Variants in MUC21 observed in about 807,000 individuals in gnomAD.
MUC21 encodes the protein mucin-21.
MUC21 carries 8 observed loss-of-function variants against 9.1 expected under a neutral mutation model. The ratio of observed to expected loss-of-function variants is 0.88; its 90% CI spans 0.52 to 1.59. The LOEUF (loss-of-function observed/expected upper bound fraction) is 1.59. Among genes scored for constraint, MUC21 ranks in the 40% most tolerant of loss-of-function variants. The pLI, the probability that MUC21 is intolerant of heterozygous loss-of-function variation, is 0.00. For missense variants in MUC21, 478 were observed against 694.2 expected (o/e 0.69, Z 3.50); for synonymous variants, 189 against 275.2 (o/e 0.69, Z 3.10).
At position 30,986,731 on chromosome 6, in the gene MUC21, A is replaced by G. The variant is rs745462878; in HGVS notation, c.556A>G (p.Ser186Gly). 5.1e-6 allele frequency: 8 copies of G among 1,578,338 alleles called. 1 individual carries two copies. The highest frequency in any genetic ancestry group is 3.4e-4 in the Middle Eastern group (2 of 5,934). Reference sequence around the variant, plus strand: ...CAGCACAGCCACCAACTCTGAGTCCAGCACAGTGTCCAGTAGGGCCAGCAC... The same window carrying G: ...CAGCACAGCCACCAACTCTGAGTCCGGCACAGTGTCCAGTAGGGCCAGCAC... Reference protein sequence around the residue: ...GASTATNSESSTVSSRASTAT... With the variant: ...GASTATNSESGTVSSRASTAT... Residue 186 changes from serine to glycine, a missense_variant, in exon 2 of 3, where the codon AGC becomes GGC. Ser to Gly is a moderately conservative substitution (Grantham distance 56). This residue lies in a region of MUC21 where 53 missense variants were observed against 139.1 expected (regional missense o/e 0.38). Transcript: ENST00000376296.
chr6:30,988,453 T>C lies in MUC21; in HGVS notation c.*259T>C. On this transcript the variant is annotated 3_prime_UTR_variant, in exon 3 of 3. Coordinates refer to ENST00000376296, the MANE Select transcript of MUC21 (RefSeq NM_001010909.5). ...GAAGCTGTGCGTGCCCCGGGGTGGG[T>C]ATCTAGCTCTGAGATGAACTCAGTT... 2.3e-6 allele frequency: 1 copy of C among 443,140 alleles called. No homozygotes were observed. Among genetic ancestry groups the C allele is most frequent in the Non-Finnish European group, 3.9e-6 (1 of 254,390 alleles). The allele number at this position is 443,140 out of a possible 1,614,324, so 27.5% of individuals were successfully genotyped here.
chr6:30,985,958 T>C (rs1161554933), intron 1 of MUC21, among the ~76,000 whole-genome samples: 1 of 152,060 alleles, frequency 6.6e-6, no homozygotes, highest in Non-Finnish European at 1.5e-5. Flanking sequence ...AGAGATGGGG[T>C]TTCTCCATGT....
Position 30,988,202 on chromosome 6 carries a change from C to A in MUC21, c.*8C>A, listed in dbSNP as rs745385586. 1 of 1,605,108 alleles carries A rather than the reference C, an allele frequency of 6.2e-7. No homozygotes were observed. Among genetic ancestry groups the A allele is most frequent in the African/African-American group, 1.3e-5 (1 of 74,410 alleles). On this transcript the variant is annotated 3_prime_UTR_variant, in exon 3 of 3. Coordinates refer to ENST00000376296, the MANE Select transcript of MUC21 (RefSeq NM_001010909.5). ...AGGAACAGCGGGCCCTGAGCAGCCC[C>A]GGAAGCAAGTGCCGCATTCTTCAGG...
At position 30,988,408 on chromosome 6, in the gene MUC21, T is replaced by C; in HGVS notation, c.*214T>C. On this transcript the variant is annotated 3_prime_UTR_variant, in exon 3 of 3. Coordinates refer to ENST00000376296, the MANE Select transcript of MUC21 (RefSeq NM_001010909.5). The stretch of plus-strand genomic sequence containing the variant: ...TTAGCTAAGAAATAAATACATCTCA[T>C]CTAACACACACGACAAAGAGAAGCT... The C allele has an allele frequency of 1.9e-6, 1 of 529,174 alleles. No homozygotes were observed. The highest frequency in any genetic ancestry group is 3.3e-5 in the South Asian group (1 of 30,562). The allele number at this position is 529,174 out of a possible 1,614,324, so 32.8% of individuals were successfully genotyped here. A position where few individuals can be genotyped will look rare whatever the true frequency, so the allele number is the denominator to read the frequency against.
Position 30,987,424 on chromosome 6 carries a change from G to C in MUC21, c.1249G>C (p.Ala417Pro). The change falls in exon 2 of 3, where the codon GCC becomes CCC. Residue 417 changes from alanine (A) to proline (P), a missense_variant. Ala to Pro is a conservative substitution (Grantham distance 27, BLOSUM62 -1). Transcript: ENST00000376296. ...TGAGTCCAGCACAGTGTCCAGTGGGGCCAGCACTGCCACCAATTCTGAGTC... is the reference window on the plus strand; with the variant it reads ...TGAGTCCAGCACAGTGTCCAGTGGGCCCAGCACTGCCACCAATTCTGAGTC... ...NSESSTVSSG[A>P]STATNSESST... is the part of the protein sequence containing the mutation. 1 of 1,465,460 alleles carries C rather than the reference G, an allele frequency of 6.8e-7. No individual in the cohort carries two copies. Among genetic ancestry groups the C allele is most frequent in the Non-Finnish European group, 9.1e-7 (1 of 1,099,838 alleles). The allele number at this position is 1,465,460 out of a possible 1,614,324, so 90.8% of individuals were successfully genotyped here. A position where few individuals can be genotyped will look rare whatever the true frequency, so the allele number is the denominator to read the frequency against.
chr6:30,988,188 G>A lies in MUC21; in HGVS notation c.1695G>A (p.Gly565=). 1.2e-6 allele frequency: 2 copies of A among 1,609,096 alleles called. No individual in the cohort carries two copies. The highest frequency in any genetic ancestry group is 1.3e-5 in the African/African-American group (1 of 74,812). The change falls in exon 3 of 3, where the codon GGG becomes GGA. Residue 565 remains glycine, a synonymous_variant. Coordinates refer to ENST00000376296, the MANE Select transcript of MUC21 (RefSeq NM_001010909.5). ...IAMEMSGRNS[G]P Reference sequence around the variant, plus strand: ...TGGAGATGAGCGGGAGGAACAGCGGGCCCTGAGCAGCCCCGGAAGCAAGTG... The same window carrying A: ...TGGAGATGAGCGGGAGGAACAGCGGACCCTGAGCAGCCCCGGAAGCAAGTG...
At chr6:30,986,103 G>C in intron 1 of MUC21, 134 bp from the exon 2 acceptor site, 1 of 843,208 alleles carries the variant, frequency 1.2e-6, no homozygotes, top group South Asian at 1.8e-5. Flanking sequence ...CTTCATCTCA[G>C]CTGGTGATAA....
rs1762515130 is a variant in MUC21 at position 30,989,020 on chromosome 6, G to A, written c.*826G>A. 6.6e-6 allele frequency: 1 copy of A among 152,196 alleles called. No homozygotes were observed. Among genetic ancestry groups the A allele is most frequent in the Non-Finnish European group, 1.5e-5 (1 of 68,058 alleles). The allele number at this position is 152,196 out of a possible 1,614,324, so 9.4% of individuals were successfully genotyped here. On this transcript the variant is annotated 3_prime_UTR_variant, in exon 3 of 3. Transcript: ENST00000376296. ...AAATCCCCGCCCAGAAGAGCTGCAC[G>A]TATCCCTTTCATGAGTCCAGGGAAG... is the stretch of plus-strand genomic sequence containing the variant.
chr6:30,986,507 GCACA>G lies in MUC21; in HGVS notation c.333_336del (p.Ser111ArgfsTer331). The G allele has an allele frequency of 6.3e-7, 1 of 1,598,686 alleles. No individual in the cohort carries two copies. Among genetic ancestry groups the G allele is most frequent in the African/African-American group, 1.4e-5 (1 of 73,642 alleles). On this transcript the variant is annotated frameshift_variant, in exon 2 of 3. Transcript: ENST00000376296. LOFTEE classifies it high-confidence loss of function. ...AGCATAGCCACCAACTCTGAGTCCA[GCACA>G]ACCTCCAGTGGGGCCAGCACAGCCA...
chr6:30,986,442 A>G lies in MUC21; in HGVS notation c.267A>G (p.Thr89=). The part of the protein sequence containing the change: ...EFHTTSSGIS[T]ATNSEFSTVS... ...ATACAACCTCCAGTGGGATCAGCAC[A>G]GCCACCAACTCTGAGTTCAGCACAG... Residue 89 remains threonine (T), a synonymous_variant, in exon 2 of 3, where the codon ACA becomes ACG. Coordinates refer to ENST00000376296, the MANE Select transcript of MUC21 (RefSeq NM_001010909.5). 8 of 1,595,680 alleles carry G rather than the reference A, an allele frequency of 5.0e-6. No homozygotes were observed. Among genetic ancestry groups the G allele is most frequent in the Non-Finnish European group, 6.9e-6 (8 of 1,166,700 alleles).
chr6:30,988,236 G>T lies in MUC21; in HGVS notation c.*42G>T, dbSNP rs1762474974. The T allele has an allele frequency of 3.8e-6, 6 of 1,559,194 alleles. No individual in the cohort carries two copies. The highest frequency in any genetic ancestry group is 5.2e-6 in the Non-Finnish European group (6 of 1,153,934). ...GTGCCGCATTCTTCAGGAAGGAAGA[G>T]ACCTGGGCACCCAAGACCTGGTTTC... On this transcript the variant is annotated 3_prime_UTR_variant, in exon 3 of 3. Transcript: ENST00000376296.
At position 30,986,909 on chromosome 6, in the gene MUC21, C is replaced by T. The variant is rs893982756; in HGVS notation, c.734C>T (p.Ser245Phe). ...GCCAGCACAGCCACCAACTCTGAGT[C>T]CAGCACACCCTCCAGTGGGGCCGGC... Reference protein sequence around the residue: ...SGASTATNSESSTPSSGAGTA... With the variant: ...SGASTATNSEFSTPSSGAGTA... The change falls in exon 2 of 3, where the codon TCC (serine) becomes TTC (phenylalanine). Residue 245 changes from serine to phenylalanine, a missense_variant. By Grantham distance (155) the Ser-to-Phe change is radical. This residue lies in a region of MUC21 where 155 missense variants were observed against 235.2 expected (regional missense o/e 0.66). Coordinates refer to ENST00000376296, the MANE Select transcript of MUC21 (RefSeq NM_001010909.5). The T allele has an allele frequency of 7.0e-6, 11 of 1,569,610 alleles. No individual in the cohort carries two copies. The highest frequency in any genetic ancestry group is 1.7e-4 in the Middle Eastern group (1 of 5,888).
chr6:30,988,035 A>G lies in MUC21; in HGVS notation c.1542A>G (p.Thr514=). The change falls in exon 3 of 3, where the codon ACA becomes ACG. Residue 514 remains threonine (T), a synonymous_variant. Transcript: ENST00000376296. ...TGTCCCTGAGAAACACCTTTAACAC[A>G]GCTGTCTACCACCCTCATGGCCTCA... ...NSLSLRNTFN[T]AVYHPHGLNH... The G allele has an allele frequency of 7.3e-7, 1 of 1,377,830 alleles. No individual in the cohort carries two copies. The highest frequency in any genetic ancestry group is 1.2e-5 in the South Asian group (1 of 86,392). The allele number at this position is 1,377,830 out of a possible 1,614,324, so 85.4% of individuals were successfully genotyped here.
Position 30,987,365 on chromosome 6 carries a change from C to A in MUC21, c.1190C>A (p.Thr397Lys), listed in dbSNP as rs775709039. The change falls in exon 2 of 3, where the codon ACG becomes AAG. Residue 397 changes from threonine to lysine, a missense_variant. Thr to Lys is a moderately conservative substitution (Grantham distance 78). Transcript: ENST00000376296. ...ACAGCCACCACCTCTGAGTCCAGCA[C>A]GACCTCCAGTGGGGCCAGCACAGCC... ...ASTATTSESS[T>K]TSSGASTATN... The A allele has an allele frequency of 1.3e-6, 2 of 1,595,896 alleles. No individual in the cohort carries two copies. The highest frequency in any genetic ancestry group is 3.4e-5 in the Admixed American group (2 of 58,122).
chr6:30,987,904 G>A (rs1634731), intron 2 of MUC21, 96 bp from the exon 3 acceptor site: 840,647 of 1,021,768 alleles, frequency 0.82, 347,104 homozygotes, highest in African/African-American at 0.95. Context: ...GGTAAAGAGT[G>A]TGGTTGGAAG....
Position 30,987,365 on chromosome 6 carries a change from C to T in MUC21, c.1190C>T (p.Thr397Met), listed in dbSNP as rs775709039. ...ACAGCCACCACCTCTGAGTCCAGCA[C>T]GACCTCCAGTGGGGCCAGCACAGCC... ...ASTATTSESS[T>M]TSSGASTATN... Residue 397 changes from threonine (T) to methionine (M), a missense_variant, in exon 2 of 3, where the codon ACG becomes ATG. Physicochemically the swap from Thr to Met is moderately conservative, Grantham distance 81. Transcript: ENST00000376296. 6.9e-6 allele frequency: 11 copies of T among 1,595,896 alleles called. No homozygotes were observed. Among genetic ancestry groups the T allele is most frequent in the Admixed American group, 3.4e-5 (2 of 58,122 alleles).
intron 2 of MUC21, 148 bp downstream of exon 2, chr6:30,987,829 T>C: frequency 1.4e-6 from 2 of 1,402,486 alleles, no homozygotes; most frequent in Non-Finnish European, 1.9e-6. Context: ...GGTAGGTCAA[T>C]GCAGAGGAAG....
rs146403590 is a variant in MUC21 at position 30,988,514 on chromosome 6, A to T, written c.*320A>T. 2.3e-3 allele frequency: 698 copies of T among 301,666 alleles called. 6 individuals carry two copies. Among genetic ancestry groups the T allele is most frequent in the African/African-American group, 0.01 (469 of 46,372 alleles). 18.7% of individuals were successfully genotyped at this position (301,666 alleles called of 1,614,324 possible). On this transcript the variant is annotated 3_prime_UTR_variant, in exon 3 of 3. Transcript: ENST00000376296. ...ACCTCCATGCTGGACTCCATCTGGC[A>T]TTCAAAATCTCCACAGTAAAATCCA...
chr6:30,985,419 T>TCCC (rs1307304678), intron 1 of MUC21, among the ~76,000 whole-genome samples: 9 of 152,208 alleles, frequency 5.9e-5, no homozygotes, highest in African/African-American at 2.2e-4. Context: ...TCTGGAATGA[T>TCCC]TTGCTTAAGA....
Sources: allele counts gnomAD v4.1 joint callset (sites outside exome capture counted in the v4.1 genomes callset), GRCh38; gene constraint gnomAD v4.1.1; regional missense constraint gnomAD v4.1.1; transcripts MANE v1.5; gene names NCBI Gene and HGNC (gene_info 2026-07-23, HGNC 2026-07-21).